Variants in MCTP1 observed in about 807,000 individuals in gnomAD.
MCTP1 encodes the protein multiple C2 and transmembrane domain containing 1, also known as multiple C2 and transmembrane domain-containing protein 1.
MCTP1 carries 69 observed loss-of-function variants against 120.6 expected under a neutral mutation model. That is an observed-to-expected ratio of 0.57 (90% CI 0.47 to 0.70). The LOEUF (loss-of-function observed/expected upper bound fraction) is 0.70, where lower values mean the gene tolerates loss of function less well. Among genes scored for constraint, MCTP1 ranks in the 30% least tolerant of loss-of-function variants. The probability of loss-of-function intolerance (pLI) is 0.00; values close to 1 mark genes in which losing one functional copy is unlikely to be tolerated. For synonymous variants in MCTP1, 529 were observed against 493.1 expected (o/e 1.07, Z -0.96); for missense variants, 1,203 against 1,248.8 (o/e 0.96, Z 0.55).
At chr5:95,105,820 C>T (rs910321921) in intron 1 of MCTP1, among the ~76,000 whole-genome samples, 7 of 152,146 alleles carry the variant, frequency 4.6e-5, no homozygotes, top group African/African-American at 1.7e-4. Flanking sequence ...CCCAAATGGG[C>T]ACACCATCCA....
At chr5:95,207,939 G>GAGAA (rs1346668827) in intron 1 of MCTP1, among the ~76,000 whole-genome samples, 2 of 108,780 alleles carry the variant, frequency 1.8e-5, no homozygotes, top group Non-Finnish European at 3.9e-5. Flanking sequence ...GAGAGAGAGA[G>GAGAA]AGAGAGAGGG....
chr5:94,704,635 T>G lies in MCTP1; in HGVS notation c.*2861A>C, dbSNP rs1257118138. 6.7e-6 allele frequency: 1 copy of G among 150,124 alleles called. No individual in the cohort carries two copies. The highest frequency in any genetic ancestry group is 1.5e-5 in the Non-Finnish European group (1 of 67,554). The allele number at this position is 150,124 out of a possible 1,614,324, so 9.3% of individuals were successfully genotyped here. ...CAATTAAATTTGGCTCTCACTGTAC[T>G]TCAACTCCAGATTTGATTTTAGTAT... On this transcript the variant is annotated 3_prime_UTR_variant, in exon 23 of 23. Coordinates refer to ENST00000515393, the MANE Select transcript of MCTP1 (RefSeq NM_024717.7).
In MCTP1 at chr5:94,816,633, GT is replaced by G. The variant is rs1314057242; in HGVS notation, c.2437-17502del. 1.2e-4 allele frequency among the ~76,000 whole-genome samples: 18 copies of G among 152,048 alleles called. No individual in the cohort carries two copies. The East Asian group carries it at 3.5e-3, about 29-fold the overall frequency. ...TCCCCTTTATCAACTTCAATTATAT[GT>G]TTTTATTTTTATTCCCATATTGCAG... On this transcript the variant is annotated intron_variant, in intron 17 of 22. Coordinates refer to ENST00000515393, the MANE Select transcript of MCTP1 (RefSeq NM_024717.7).
chr5:94,708,483 T>G (rs544078901), intron 22 of MCTP1, 29 bp downstream of exon 22: 1 of 1,322,078 alleles, frequency 7.6e-7, no homozygotes, highest in African/African-American at 1.5e-5. Context: ...ATTAAAATAA[T>G]AGCAATAATA....
chr5:94,973,288 A>T (rs1486587847), intron 2 of MCTP1, among the ~76,000 whole-genome samples: 1 of 152,144 alleles, frequency 6.6e-6, no homozygotes, highest in Non-Finnish European at 1.5e-5. Flanking sequence ...TTTTCCGATC[A>T]ACCGACTTGT....
intron 1 of MCTP1, among the ~76,000 whole-genome samples, chr5:95,025,909 T>C (rs184299174): frequency 3.9e-5 from 6 of 152,266 alleles, no homozygotes; most frequent in African/African-American, 7.2e-5. Flanking sequence ...ACTTTTCTTA[T>C]AGATATCATG....
intron 19 of MCTP1, among the ~76,000 whole-genome samples, chr5:94,753,210 T>C (rs75330750): frequency 2.4e-3 from 361 of 152,294 alleles, no homozygotes; most frequent in African/African-American, 8.3e-3. Flanking sequence ...ATGTAAAGGA[T>C]TGGACCTCAG....
At chr5:95,030,662 A>T (rs1296168949) in intron 1 of MCTP1, among the ~76,000 whole-genome samples, 6 of 152,214 alleles carry the variant, frequency 3.9e-5, no homozygotes, top group Non-Finnish European at 8.8e-5. Flanking sequence ...GGGAAAAATG[A>T]TATTTTTAAA....
chr5:95,183,741 C>T (rs1233931391), intron 1 of MCTP1, among the ~76,000 whole-genome samples: 5 of 152,042 alleles, frequency 3.3e-5, no homozygotes, highest in African/African-American at 1.2e-4. Flanking sequence ...GGATGTCCAC[C>T]TTCATTAATG....
chr5:95,114,149 C>T (rs1304437058), intron 1 of MCTP1, among the ~76,000 whole-genome samples: 1 of 152,184 alleles, frequency 6.6e-6, no homozygotes, highest in African/African-American at 2.4e-5. Context: ...CCAGAAAGTA[C>T]ACCATGGGCC....
chr5:95,239,332 A>G (rs1401153791), intron 1 of MCTP1, among the ~76,000 whole-genome samples: 1 of 152,118 alleles, frequency 6.6e-6, no homozygotes, highest in African/African-American at 2.4e-5. Context: ...TTGTCCGAGC[A>G]CTCAATTTTC....
intron 11 of MCTP1, among the ~76,000 whole-genome samples, chr5:94,890,920 A>G (rs2153391544): frequency 6.6e-6 from 1 of 152,362 alleles, no homozygotes; most frequent in Admixed American, 6.5e-5. Flanking sequence ...AAAATGTTTC[A>G]TAACCAGAGA....
intron 7 of MCTP1, among the ~76,000 whole-genome samples, chr5:94,921,113 A>T (rs1811543712): frequency 6.6e-6 from 1 of 152,220 alleles, no homozygotes. Context: ...AGCATGCTAA[A>T]TATTTGAACA....
At chr5:95,119,884 T>G (rs1758078098) in intron 1 of MCTP1, among the ~76,000 whole-genome samples, 1 of 151,924 alleles carries the variant, frequency 6.6e-6, no homozygotes, top group African/African-American at 2.4e-5. Context: ...AGAAAGAGTC[T>G]CCCAGCAGCC....
At chr5:94,932,636 C>T (rs1456488158) in intron 5 of MCTP1, among the ~76,000 whole-genome samples, 2 of 152,014 alleles carry the variant, frequency 1.3e-5, no homozygotes, top group Non-Finnish European at 2.9e-5. Context: ...GATCACTAAT[C>T]TCTTGAATAA....
At chr5:94,982,338 G>T (rs1829588675) in intron 2 of MCTP1, among the ~76,000 whole-genome samples, 1 of 152,048 alleles carries the variant, frequency 6.6e-6, no homozygotes, top group Non-Finnish European at 1.5e-5. Flanking sequence ...AACAACAAAT[G>T]AAATTTGGCA....
chr5:95,191,740 T>C (rs1267701459), intron 1 of MCTP1, among the ~76,000 whole-genome samples: 4 of 152,010 alleles, frequency 2.6e-5, no homozygotes, highest in Admixed American at 2.6e-4. Flanking sequence ...AATATATGTT[T>C]CCTGAGCTGA....
intron 1 of MCTP1, among the ~76,000 whole-genome samples, chr5:95,215,577 T>C (rs891617517): frequency 2.0e-5 from 3 of 152,352 alleles, no homozygotes; most frequent in East Asian, 3.9e-4. Context: ...TCCTTTTTTT[T>C]CTTTGTTAGC....
In MCTP1 at chr5:94,711,995, A is replaced by C. The variant is rs1757210458; in HGVS notation, c.2721-1068T>G. On this transcript the variant is annotated intron_variant, in intron 20 of 22. Transcript: ENST00000515393. ...GGCATATAAATATATCACCATTTAC[A>C]GGCATACCATTGCATTCTTTGAAAT... 2.6e-5 allele frequency among the ~76,000 whole-genome samples: 4 copies of C among 152,124 alleles called. No individual in the cohort carries two copies. In the South Asian group the frequency reaches 8.3e-4, roughly 31 times the overall value.
Sources: allele counts gnomAD v4.1 joint callset (sites outside exome capture counted in the v4.1 genomes callset), GRCh38; gene constraint gnomAD v4.1.1; transcripts MANE v1.5; gene names NCBI Gene and HGNC (gene_info 2026-07-23, HGNC 2026-07-21).